The following HACE1 variants were observed in gnomAD, a reference collection of about 807,000 sequenced individuals.
HACE1 encodes the protein E3 ubiquitin-protein ligase HACE1.
In HACE1, 73 loss-of-function variants were observed where a neutral mutation model predicts 118.4. That is an observed-to-expected ratio of 0.62 (90% confidence interval 0.51 to 0.75). The LOEUF (loss-of-function observed/expected upper bound fraction) is 0.75. Ranked by LOEUF, HACE1 falls within the 30% of genes least tolerant of loss-of-function variation. The pLI is 0.00. For synonymous variants in HACE1, 368 were observed against 374.8 expected, an observed-to-expected ratio of 0.98 and a Z score of 0.21; for missense variants, 749 against 1,102.2, an observed-to-expected ratio of 0.68 and a Z score of 4.54.
intron 1 of HACE1, among the ~76,000 whole-genome samples, chr6:104,855,208 G>C (rs1378823957): frequency 6.6e-6 from 1 of 152,182 alleles, no homozygotes; most frequent in Non-Finnish European, 1.5e-5. Flanking sequence ...ACTTTGGGAG[G>C]CCAAGTCAGG....
chr6:104,777,724 A>C (rs144996544), intron 14 of HACE1, among the ~76,000 whole-genome samples: 1 of 152,062 alleles, frequency 6.6e-6, no homozygotes, highest in Non-Finnish European at 1.5e-5. Flanking sequence ...AATCTCTTAC[A>C]CCTAATCTTA....
At chr6:104,812,650 G>A (rs1438209577) in intron 6 of HACE1, among the ~76,000 whole-genome samples, 1 of 152,034 alleles carries the variant, frequency 6.6e-6, no homozygotes, top group African/African-American at 2.4e-5. Flanking sequence ...TGGAGAAATA[G>A]TAACTGACTT....
At chr6:104,789,826 G>A (rs1458146835) in intron 11 of HACE1, among the ~76,000 whole-genome samples, 3 of 152,152 alleles carry the variant, frequency 2.0e-5, no homozygotes, top group African/African-American at 7.2e-5. Context: ...GGTAGATTCC[G>A]TCACTAACAA....
At chr6:104,793,477 G>A (rs73768816) in intron 10 of HACE1, among the ~76,000 whole-genome samples, 5,131 of 152,030 alleles carry the variant, frequency 0.034, 272 homozygotes, top group African/African-American at 0.12. Flanking sequence ...TATAAACATA[G>A]CATTATGTGC....
Position 104,744,215 on chromosome 6 carries a change from C to A in HACE1, c.2458G>T (p.Val820Leu). ...CTCTCCTCTTGAGTAATGTCTTCTA[C>A]AACTTCCCAGAACCACTAACAACAA... ...DPVIQWFWEV[V>L]EDITQEERVL... Residue 820 changes from valine to leucine, a missense_variant, in exon 22 of 24, where the codon GTA becomes TTA. By Grantham distance (32) the Val-to-Leu change is conservative (BLOSUM62 1). Coordinates refer to ENST00000262903, the MANE Select transcript of HACE1 (RefSeq NM_020771.4). 6.3e-7 allele frequency: 1 copy of A among 1,599,026 alleles called. No individual in the cohort carries two copies. The highest frequency in any genetic ancestry group is 1.4e-5 in the African/African-American group (1 of 70,996).
chr6:104,839,936 G>A (rs978523109), intron 5 of HACE1, among the ~76,000 whole-genome samples: 16 of 152,114 alleles, frequency 1.1e-4, no homozygotes, highest in Admixed American at 1.0e-3. Flanking sequence ...AACCCAGGAG[G>A]CGGAGGTTGC....
chr6:104,744,447 G>A, intron 21 of HACE1, 65 bp downstream of exon 21: 1 of 954,608 alleles, frequency 1.0e-6, no homozygotes, highest in South Asian at 1.3e-5. Context: ...ATCCAATAGT[G>A]CTGAAAAGCT....
chr6:104,853,971 A>C (rs1327929584), intron 1 of HACE1, among the ~76,000 whole-genome samples: 1 of 152,228 alleles, frequency 6.6e-6, no homozygotes, highest in East Asian at 1.9e-4. Context: ...GACAATTATA[A>C]TACTATACTG....
rs1562331298 is a variant in HACE1 at position 104,771,223 on chromosome 6, A to AC, written c.2180dup (p.Gly728TrpfsTer9). On this transcript the variant is annotated frameshift_variant, in exon 19 of 24. Transcript: ENST00000262903. LOFTEE classifies it high-confidence loss of function. ...TATTTTGTGTCACAAGAATACTCCC[A>AC]CCCCCAGGTTTCAAAGGCACCTCTT... 1 of 1,613,168 alleles carries AC rather than the reference A, an allele frequency of 6.2e-7. No homozygotes were observed. Among genetic ancestry groups the AC allele is most frequent in the Non-Finnish European group, 8.5e-7 (1 of 1,179,284 alleles).
intron 22 of HACE1, among the ~76,000 whole-genome samples, chr6:104,742,493 T>C (rs1187981194): frequency 2.0e-5 from 3 of 151,906 alleles, no homozygotes; most frequent in African/African-American, 7.3e-5. Flanking sequence ...CATCAAAAAG[T>C]GGGCAAAGGA....
intron 14 of HACE1, among the ~76,000 whole-genome samples, chr6:104,779,637 G>C (rs1781535880): frequency 6.6e-6 from 1 of 152,064 alleles, no homozygotes; most frequent in Non-Finnish European, 1.5e-5. Context: ...TTTGGTTTAA[G>C]AGGAGAGAAA....
chr6:104,782,911 C>T (rs2114783067), intron 14 of HACE1, among the ~76,000 whole-genome samples: 1 of 152,328 alleles, frequency 6.6e-6, no homozygotes, highest in Middle Eastern at 3.4e-3. Context: ...TCCTACATAT[C>T]TGGCAAATTA....
At chr6:104,763,922 C>T (rs1294054305) in intron 19 of HACE1, among the ~76,000 whole-genome samples, 3 of 151,956 alleles carry the variant, frequency 2.0e-5, no homozygotes, top group South Asian at 2.1e-4. Flanking sequence ...TGGTGGTAGG[C>T]GCCTGTAATC....
rs190859537 is a variant in HACE1 at position 104,756,404 on chromosome 6, T to G, written c.2212-5932A>C. ...CCCAGCCTGAGTGACAGAGCCAGAT[T>G]CCATCTCAAAAAAAAAAAAAAAATA... On this transcript the variant is annotated intron_variant, in intron 19 of 23. Transcript: ENST00000262903. 5.3e-3 allele frequency among the ~76,000 whole-genome samples: 540 copies of G among 101,904 alleles called. 4 individuals are homozygous for G. Among genetic ancestry groups the G allele is most frequent in the African/African-American group, 0.022 (524 of 23,734 alleles). 66.9% of individuals were successfully genotyped at this position (101,904 alleles called of 152,430 possible).
intron 4 of HACE1, among the ~76,000 whole-genome samples, chr6:104,846,918 G>A (rs551184457): frequency 3.5e-4 from 54 of 152,230 alleles, no homozygotes; most frequent in African/African-American, 1.2e-3. Context: ...AAACAGAAAG[G>A]CATCCAAATT....
chr6:104,796,648 A>C lies in HACE1; in HGVS notation c.816+7T>G. On this transcript the variant is annotated splice_region_variant and intron_variant, in intron 9 of 23. Transcript: ENST00000262903. The stretch of plus-strand genomic sequence containing the variant: ...TCATTTACAAGCTACTATCACAAAT[A>C]CAATACCATGTTTTCTCGGAGGTCT... The C allele has an allele frequency of 1.5e-6, 2 of 1,305,452 alleles. No homozygotes were observed. The highest frequency in any genetic ancestry group is 1.5e-5 in the African/African-American group (1 of 68,612). The allele number at this position is 1,305,452 out of a possible 1,614,324, so 80.9% of individuals were successfully genotyped here.
chr6:104,771,495 T>C, intron 18 of HACE1, 106 bp from the exon 19 acceptor site: 2 of 713,316 alleles, frequency 2.8e-6, no homozygotes, highest in Admixed American at 4.2e-5. Context: ...CTGCAAAATA[T>C]AATACAATCC....
rs112914546 is a variant in HACE1 at position 104,732,725 on chromosome 6, T to C, written c.2514-2309A>G. 5.5e-3 allele frequency among the ~76,000 whole-genome samples: 836 copies of C among 152,294 alleles called. 1 individual carries two copies. Among genetic ancestry groups the C allele is most frequent in the Non-Finnish European group, 0.01 (683 of 68,012 alleles). On this transcript the variant is annotated intron_variant, in intron 22 of 23. Transcript: ENST00000262903. ...TGCATTTACACACACACACAAATGG[T>C]TGAAAATATGCACCAGGATTGTCTA...
chr6:104,844,174 A>T (rs972773962), intron 4 of HACE1, among the ~76,000 whole-genome samples: 3 of 148,962 alleles, frequency 2.0e-5, no homozygotes, highest in Admixed American at 6.8e-5. Context: ...AGCAGCTAGG[A>T]TTTCAGGCGC....
Sources: allele counts gnomAD v4.1 joint callset (sites outside exome capture counted in the v4.1 genomes callset), GRCh38; gene constraint gnomAD v4.1.1; transcripts MANE v1.5; gene names NCBI Gene and HGNC (gene_info 2026-07-23, HGNC 2026-07-21).